CEP135: variants seen among roughly 807,000 people sequenced by gnomAD.
CEP135 encodes the protein centrosomal protein of 135 kDa.
Under a neutral mutation model 157.3 loss-of-function variants are expected in CEP135, and 142 were observed. The ratio of observed to expected loss-of-function variants is 0.90; its 90% CI spans 0.79 to 1.04. The LOEUF (loss-of-function observed/expected upper bound fraction) is 1.04. Ranked by LOEUF, CEP135 falls within the 50% of genes least tolerant of loss-of-function variation. CEP135 has a pLI of 0.00. For synonymous variants in CEP135, 396 were observed against 439.8 expected (o/e 0.90, Z 1.25); for missense variants, 1,317 against 1,309.2 (o/e 1.01, Z -0.09).
rs866196850 is a variant in CEP135, at chr4:56,032,708, A to G, written c.*1360A>G. The G allele has an allele frequency of 5.3e-5, 8 of 152,238 alleles. 1 individual carries two copies. The highest frequency in any genetic ancestry group is 7.2e-5 in the African/African-American group (3 of 41,472). 9.4% of individuals were successfully genotyped at this position (152,238 alleles called of 1,614,324 possible). A position where few individuals can be genotyped will look rare whatever the true frequency, so the allele number is the denominator to read the frequency against. On this transcript the variant is annotated 3_prime_UTR_variant, in exon 26 of 26. Transcript: ENST00000257287. ...CAACAGAAGTACAAAAAAGAATATC[A>G]GATACAAAAATCAATCGTGAAGAAA...
chr4:55,971,278 C>CT lies in CEP135; in HGVS notation c.1121dup (p.Leu374PhefsTer11). The CT allele has an allele frequency of 1.3e-6, 2 of 1,579,422 alleles. No individual in the cohort carries two copies. Among genetic ancestry groups the CT allele is most frequent in the Non-Finnish European group, 1.7e-6 (2 of 1,168,558 alleles). ...AGTATTAAAATTTGCAGGAATTGAA[C>CT]TTATGCCAGAAAGAAAAGGAGAGAC... On this transcript the variant is annotated frameshift_variant, in exon 10 of 26. Coordinates refer to ENST00000257287, the MANE Select transcript of CEP135 (RefSeq NM_025009.5). LOFTEE classifies it high-confidence loss of function.
chr4:55,957,384 C>T lies in CEP135; in HGVS notation c.614+20C>T, dbSNP rs1338656320. ...TAACAGGTGCATTAAATAATTCTTTCTTGGCTTGAGTTAATTGAGCACTCA... is the reference window on the plus strand; with the variant it reads ...TAACAGGTGCATTAAATAATTCTTTTTTGGCTTGAGTTAATTGAGCACTCA... On this transcript the variant is annotated intron_variant, in intron 5 of 25. Coordinates refer to ENST00000257287, the MANE Select transcript of CEP135 (RefSeq NM_025009.5). 13 of 1,603,340 alleles carry T rather than the reference C, an allele frequency of 8.1e-6. No homozygotes were observed. The highest frequency in any genetic ancestry group is 1.0e-5 in the Non-Finnish European group (12 of 1,176,984).
intron 18 of CEP135, among the ~76,000 whole-genome samples, chr4:56,008,783 C>T (rs1045392071): frequency 5.3e-5 from 8 of 152,170 alleles, no homozygotes; most frequent in Non-Finnish European, 1.2e-4. Flanking sequence ...GATTGTAAGC[C>T]ACTTCAAGAA....
intron 13 of CEP135, among the ~76,000 whole-genome samples, chr4:55,982,658 A>G (rs993706405): frequency 3.7e-4 from 57 of 152,300 alleles, no homozygotes; most frequent in Non-Finnish European, 1.2e-4. Flanking sequence ...TATATATTCT[A>G]CATACAGCCC....
intron 25 of CEP135, among the ~76,000 whole-genome samples, chr4:56,030,832 C>A (rs944311310): frequency 1.3e-5 from 2 of 152,082 alleles, no homozygotes; most frequent in Admixed American, 6.5e-5. Flanking sequence ...AATAAGGAAA[C>A]AAAAATCACT....
At position 55,999,560 on chromosome 4, in the gene CEP135, T is replaced by C. The variant is rs1162031517; in HGVS notation, c.2195T>C (p.Ile732Thr). ...AHVMKKTIGV[I>T]DKEKDFLQET... is the part of the protein sequence containing the mutation. ...GTAATGAAAAAGACCATTGGTGTTA[T>C]TGATAAAGAAAAAGACTTTCTCCAG... Residue 732 changes from isoleucine to threonine, a missense_variant, in exon 17 of 26, where the codon ATT becomes ACT. Physicochemically the swap from Ile to Thr is moderately conservative, Grantham distance 89 (BLOSUM62 -1). Transcript: ENST00000257287. 5.6e-6 allele frequency: 9 copies of C among 1,611,638 alleles called. No homozygotes were observed. Among genetic ancestry groups the C allele is most frequent in the Non-Finnish European group, 7.6e-6 (9 of 1,179,544 alleles).
chr4:55,965,138 G>A (rs1018561723), intron 7 of CEP135: 2 of 152,050 alleles, frequency 1.3e-5, no homozygotes, highest in Admixed American at 6.6e-5. Flanking sequence ...AATAAAAAGA[G>A]GTGAAATTAA....
At chr4:55,974,668 G>A (rs1417624763) in intron 10 of CEP135, 78 bp from the exon 11 acceptor site, 3 of 1,056,030 alleles carry the variant, frequency 2.8e-6, no homozygotes, top group Non-Finnish European at 4.1e-6. Flanking sequence ...CATTCTAAAA[G>A]TTATTAATAT....
At chr4:55,960,233 CTT>C (rs1260523660) in intron 6 of CEP135, 3 of 162,526 alleles carry the variant, frequency 1.8e-5, no homozygotes, top group East Asian at 3.5e-4. Flanking sequence ...TTTTTCTACT[CTT>C]ATTATATATT....
Position 56,021,803 on chromosome 4 carries a change from T to C in CEP135, c.3320+1023T>C, listed in dbSNP as rs553395794. On this transcript the variant is annotated intron_variant, in intron 24 of 25. Transcript: ENST00000257287. The stretch of plus-strand genomic sequence containing the variant: ...ACTTTGGGAGGCCAAGGCAGGTGGA[T>C]TTACTTGAGCCCACGAGTTTGAAAT... Among the ~76,000 whole-genome samples the C allele has an allele frequency of 2.6e-5, 4 of 152,316 alleles. No individual in the cohort carries two copies. In the East Asian group the frequency reaches 7.7e-4, roughly 29 times the overall value.
chr4:56,007,105 G>T (rs976613046), intron 17 of CEP135, among the ~76,000 whole-genome samples: 2 of 152,006 alleles, frequency 1.3e-5, no homozygotes, highest in Non-Finnish European at 2.9e-5. Context: ...TGTTGGCCAG[G>T]CTGGTCTCGA....
chr4:55,954,260 C>T lies in CEP135; in HGVS notation c.349C>T (p.Leu117=). Residue 117 remains leucine, a synonymous_variant, in exon 4 of 26, where the codon CTG becomes TTG. Coordinates refer to ENST00000257287, the MANE Select transcript of CEP135 (RefSeq NM_025009.5). Reference sequence around the variant, plus strand: ...GAAATGTGCACGTGAAACAGCTGATCTGAAATTTCTGAATAACCAATATGC... The same window carrying T: ...GAAATGTGCACGTGAAACAGCTGATTTGAAATTTCTGAATAACCAATATGC... ...LKKCARETAD[L]KFLNNQYAHK... The T allele has an allele frequency of 6.2e-7, 1 of 1,604,998 alleles. No individual in the cohort carries two copies.
Position 56,014,983 on chromosome 4 carries a change from A to G in CEP135, c.2803-2665A>G, listed in dbSNP as rs537779362. ...GCTGAGCCCAGGAGGTCAAGGCTGC[A>G]GTGAGCCGAGATCATGCCACTGCAC... On this transcript the variant is annotated intron_variant, in intron 21 of 25. Coordinates refer to ENST00000257287, the MANE Select transcript of CEP135 (RefSeq NM_025009.5). 5.3e-5 allele frequency among the ~76,000 whole-genome samples: 8 copies of G among 152,208 alleles called. No individual in the cohort carries two copies. The South Asian group carries it at 1.5e-3, about 28-fold the overall frequency.
rs1728774123 is a variant in CEP135, at chr4:55,964,260, G to T, written c.700-14G>T. On this transcript the variant is annotated splice_polypyrimidine_tract_variant and intron_variant, in intron 6 of 25. Coordinates refer to ENST00000257287, the MANE Select transcript of CEP135 (RefSeq NM_025009.5). ...ACCAGATTTTTTAAAATGACAGCATGACTATATCTTCAGATTGAGCTAAGA... is the reference window on the plus strand; with the variant it reads ...ACCAGATTTTTTAAAATGACAGCATTACTATATCTTCAGATTGAGCTAAGA... 5 of 1,594,966 alleles carry T rather than the reference G, an allele frequency of 3.1e-6. No individual in the cohort carries two copies. Among genetic ancestry groups the T allele is most frequent in the Non-Finnish European group, 4.3e-6 (5 of 1,173,496 alleles).
At position 55,975,713 on chromosome 4, in the gene CEP135, A is replaced by G. The variant is rs1172217805; in HGVS notation, c.1473+744A>G. ...TTCAGGAGTCTTGAAGGCTTATGTGACATTACTTTATCTACACACTAGGTA... is the reference window on the plus strand; with the variant it reads ...TTCAGGAGTCTTGAAGGCTTATGTGGCATTACTTTATCTACACACTAGGTA... On this transcript the variant is annotated intron_variant, in intron 11 of 25. Coordinates refer to ENST00000257287, the MANE Select transcript of CEP135 (RefSeq NM_025009.5). Among the ~76,000 whole-genome samples, 3 of 152,180 alleles carry G rather than the reference A, an allele frequency of 2.0e-5. No homozygotes were observed. The South Asian group carries it at 6.2e-4, about 32-fold the overall frequency.
intron 24 of CEP135, among the ~76,000 whole-genome samples, chr4:56,022,586 A>C (rs1731006368): frequency 6.6e-6 from 1 of 152,164 alleles, no homozygotes; most frequent in Non-Finnish European, 1.5e-5. Context: ...TGAACTAATT[A>C]GAAATCTCAG....
At chr4:55,952,044 A>G in intron 1 of CEP135, 42 bp from the exon 2 acceptor site, 3 of 615,638 alleles carry the variant, frequency 4.9e-6, no homozygotes, top group Admixed American at 5.4e-5. Flanking sequence ...AACAACAATC[A>G]TAGCTATAAT....
chr4:56,021,833 G>A (rs1009938337), intron 24 of CEP135, among the ~76,000 whole-genome samples: 3 of 152,110 alleles, frequency 2.0e-5, no homozygotes, highest in Non-Finnish European at 2.9e-5. Context: ...TGAAATCAGC[G>A]TGAGCAACAT....
At position 55,974,043 on chromosome 4, in the gene CEP135, T is replaced by C. The variant is rs150979395; in HGVS notation, c.1250-703T>C. Among the ~76,000 whole-genome samples the C allele has an allele frequency of 6.5e-4, 99 of 152,338 alleles. No individual in the cohort carries two copies. In the East Asian group the frequency reaches 0.015, roughly 23 times the overall value. On this transcript the variant is annotated intron_variant, in intron 10 of 25. Coordinates refer to ENST00000257287, the MANE Select transcript of CEP135 (RefSeq NM_025009.5). The stretch of plus-strand genomic sequence containing the variant: ...TTGCACACTGTCCTTTTGTAGCTTT[T>C]ATCCTACTACAATTAGAATAGTTGT...
Sources: allele counts gnomAD v4.1 joint callset (sites outside exome capture counted in the v4.1 genomes callset), GRCh38; gene constraint gnomAD v4.1.1; transcripts MANE v1.5; gene names NCBI Gene and HGNC (gene_info 2026-07-23, HGNC 2026-07-21).